Variants in ZNF79 observed in about 807,000 individuals in gnomAD.
The protein encoded by ZNF79 is ZNFpT7.
ZNF79 carries 13 observed loss-of-function variants against 14.9 expected under a neutral mutation model. The ratio of observed to expected loss-of-function variants is 0.87; its 90% confidence interval spans 0.57 to 1.38. The LOEUF (loss-of-function observed/expected upper bound fraction) is 1.38. Among genes scored for constraint, ZNF79 ranks in the 40% most tolerant of loss-of-function variants. The pLI, the probability that ZNF79 is intolerant of heterozygous loss-of-function variation, is 0.00. For synonymous variants in ZNF79, 223 were observed against 235.1 expected, an observed-to-expected ratio of 0.95 and a Z score of 0.47; for missense variants, 631 against 630.6, an observed-to-expected ratio of 1.00 and a Z score of -0.01.
Position 127,445,299 on chromosome 9 carries a change from T to C in ZNF79, c.*102T>C. 2 of 1,315,838 alleles carry C rather than the reference T, an allele frequency of 1.5e-6. No individual in the cohort carries two copies. Among genetic ancestry groups the C allele is most frequent in the Non-Finnish European group, 2.1e-6 (2 of 958,300 alleles). The allele number at this position is 1,315,838 out of a possible 1,614,324, so 81.5% of individuals were successfully genotyped here. ...AAAGGCTTGAAAGCATCTGAAGACA[T>C]CTAACTTAGAGTCTGCAGCCCAGAG... On this transcript the variant is annotated 3_prime_UTR_variant, in exon 5 of 5. Coordinates refer to ENST00000342483, the MANE Select transcript of ZNF79 (RefSeq NM_007135.3).
chr9:127,441,944 C>CAA (rs35456595), intron 4 of ZNF79, among the ~76,000 whole-genome samples: 37 of 107,776 alleles, frequency 3.4e-4, no homozygotes, highest in African/African-American at 6.5e-4. Flanking sequence ...GACTCCGTCT[C>CAA]AAAAAAAAAA....
At position 127,443,966 on chromosome 9, in the gene ZNF79, C is replaced by T. The variant is rs1834098478; in HGVS notation, c.329-63C>T. 4.2e-6 allele frequency: 6 copies of T among 1,420,796 alleles called. No homozygotes were observed. In the South Asian group the frequency reaches 8.5e-5, roughly 20 times the overall value. 88.0% of individuals were successfully genotyped at this position (1,420,796 alleles called of 1,614,324 possible). On this transcript the variant is annotated intron_variant, in intron 4 of 4. Transcript: ENST00000342483. The stretch of plus-strand genomic sequence containing the variant: ...CTGTGTGTGTAAGAGCTTGGCCAGA[C>T]TCCTTCAGCCTTTGGTATTCCTTCC...
chr9:127,439,663 G>A (rs889649915), intron 4 of ZNF79, among the ~76,000 whole-genome samples: 5 of 152,080 alleles, frequency 3.3e-5, no homozygotes, highest in African/African-American at 1.2e-4. Flanking sequence ...TAACACTTTC[G>A]CAGACCCTGC....
intron 2 of ZNF79, among the ~76,000 whole-genome samples, chr9:127,431,036 G>T (rs1339306746): frequency 6.6e-6 from 1 of 152,174 alleles, no homozygotes. Context: ...GATTAGTGAT[G>T]ATGAGCATTT....
At chr9:127,435,506 C>T (rs1001894074) in intron 3 of ZNF79, among the ~76,000 whole-genome samples, 10 of 152,120 alleles carry the variant, frequency 6.6e-5, no homozygotes, top group African/African-American at 2.4e-4. Context: ...AAATTGGGGA[C>T]TTGGGAGTTT....
rs377567584 is a variant in ZNF79 at position 127,445,208 on chromosome 9, G to C, written c.*11G>C. 1.2e-6 allele frequency: 2 copies of C among 1,612,022 alleles called. No homozygotes were observed. Among genetic ancestry groups the C allele is most frequent in the African/African-American group, 2.7e-5 (2 of 74,916 alleles). On this transcript the variant is annotated 3_prime_UTR_variant, in exon 5 of 5. Coordinates refer to ENST00000342483, the MANE Select transcript of ZNF79 (RefSeq NM_007135.3). ...CACGCCGGAGAGTAACTAGGAACAT[G>C]GTAGAAGTGGAGAGAGTCCCGGACA...
At chr9:127,439,020 G>A (rs191623075) in intron 4 of ZNF79, among the ~76,000 whole-genome samples, 27 of 152,158 alleles carry the variant, frequency 1.8e-4, no homozygotes, top group African/African-American at 6.0e-4. Flanking sequence ...GCTGAGGCAC[G>A]AGAATCGCTT....
intron 2 of ZNF79, among the ~76,000 whole-genome samples, chr9:127,430,740 G>A (rs1247127738): frequency 6.6e-6 from 1 of 152,194 alleles, no homozygotes; most frequent in African/African-American, 2.4e-5. Context: ...AGGAACAAGC[G>A]CATGCATGCG....
intron 1 of ZNF79, among the ~76,000 whole-genome samples, chr9:127,426,531 C>T (rs1833758378): frequency 6.6e-6 from 1 of 152,166 alleles, no homozygotes; most frequent in South Asian, 2.1e-4. Flanking sequence ...CCCGCCACCA[C>T]ACCCAGCTAA....
At chr9:127,441,057 C>T (rs1348664890) in intron 4 of ZNF79, among the ~76,000 whole-genome samples, 2 of 152,110 alleles carry the variant, frequency 1.3e-5, no homozygotes, top group African/African-American at 2.4e-5. Flanking sequence ...CCCTTCTTCC[C>T]ATGGCTTCTT....
intron 3 of ZNF79, 95 bp downstream of exon 3, chr9:127,435,311 T>C: frequency 7.3e-7 from 1 of 1,370,226 alleles, no homozygotes; most frequent in African/African-American, 1.5e-5. Context: ...ACTGGTGTGA[T>C]GTACCAGAGG....
At position 127,444,481 on chromosome 9, in the gene ZNF79, A is replaced by G. The variant is rs776011404; in HGVS notation, c.781A>G (p.Asn261Asp). The change falls in exon 5 of 5, where the codon AAC (asparagine) becomes GAC (aspartate). Residue 261 changes from asparagine (N) to aspartate (D), a missense_variant. Transcript: ENST00000342483. ...CSECGRAFSQ[N>D]ANLTKHQRTH... ...TGAATGTGGAAGAGCCTTCAGCCAG[A>G]ACGCCAACCTCACCAAACACCAGCG... 1 of 1,610,150 alleles carries G rather than the reference A, an allele frequency of 6.2e-7. No homozygotes were observed. The highest frequency in any genetic ancestry group is 1.7e-5 in the Admixed American group (1 of 59,958).
At chr9:127,435,646 G>A (rs1833934219) in intron 3 of ZNF79, among the ~76,000 whole-genome samples, 2 of 152,146 alleles carry the variant, frequency 1.3e-5, no homozygotes, top group Non-Finnish European at 2.9e-5. Flanking sequence ...GGAGGCCAAG[G>A]TGGAACAGTC....
At chr9:127,438,877 G>C (rs924238487) in intron 4 of ZNF79, among the ~76,000 whole-genome samples, 2 of 152,162 alleles carry the variant, frequency 1.3e-5, no homozygotes, top group Admixed American at 6.5e-5. Flanking sequence ...TTGGGAGGCC[G>C]AGTTGGGCAG....
At chr9:127,431,650 T>C (rs1833864010) in intron 2 of ZNF79, among the ~76,000 whole-genome samples, 1 of 152,242 alleles carries the variant, frequency 6.6e-6, no homozygotes, top group South Asian at 2.1e-4. Context: ...CAAGGATTCT[T>C]TGCCAGAACC....
At chr9:127,436,248 CT>C (rs1291587674) in intron 4 of ZNF79, among the ~76,000 whole-genome samples, 8 of 152,228 alleles carry the variant, frequency 5.3e-5, no homozygotes, top group Non-Finnish European at 8.8e-5. Flanking sequence ...TCACCTCATC[CT>C]TATGGAGGCT....
chr9:127,430,507 A>G (rs1833841448), intron 2 of ZNF79, among the ~76,000 whole-genome samples: 1 of 152,168 alleles, frequency 6.6e-6, no homozygotes, highest in African/African-American at 2.4e-5. Context: ...CCACTTATCA[A>G]TAAGAACATG....
Position 127,445,332 on chromosome 9 carries a change from C to G in ZNF79, c.*135C>G. ...AGAGTCTGCAGCCCAGAGCCACATG[C>G]AAAACACCTTCAATAAACAGCCACT... On this transcript the variant is annotated 3_prime_UTR_variant, in exon 5 of 5. Coordinates refer to ENST00000342483, the MANE Select transcript of ZNF79 (RefSeq NM_007135.3). The G allele has an allele frequency of 1.2e-6, 1 of 847,692 alleles. No individual in the cohort carries two copies. The highest frequency in any genetic ancestry group is 1.8e-6 in the Non-Finnish European group (1 of 553,580). The allele number at this position is 847,692 out of a possible 1,614,324, so 52.5% of individuals were successfully genotyped here.
At chr9:127,429,329 T>A (rs1367880011) in intron 2 of ZNF79, among the ~76,000 whole-genome samples, 2 of 151,742 alleles carry the variant, frequency 1.3e-5, no homozygotes, top group African/African-American at 2.4e-5. Context: ...TTTATTATTT[T>A]TTTTTTTTTG....
Sources: allele counts gnomAD v4.1 joint callset (sites outside exome capture counted in the v4.1 genomes callset), GRCh38; gene constraint gnomAD v4.1.1; transcripts MANE v1.5; gene names NCBI Gene and HGNC (gene_info 2026-07-23, HGNC 2026-07-21).